The following CCDC12 variants were observed in gnomAD, a reference collection of about 807,000 sequenced individuals.
CCDC12 encodes the protein coiled-coil domain containing 12, also known as coiled-coil domain-containing protein 12.
CCDC12 carries 28 observed loss-of-function variants against 25.7 expected under a neutral mutation model. The ratio of observed to expected loss-of-function variants is 1.09; its 90% CI spans 0.81 to 1.50. The LOEUF is 1.50. Ranked by LOEUF, CCDC12 falls within the 40% of genes most tolerant of loss-of-function variation. The pLI is 0.00. For missense variants in CCDC12, 198 were observed against 210.0 expected (o/e 0.94, Z 0.35); for synonymous variants, 75 against 87.7 (o/e 0.86, Z 0.81).
intron 2 of CCDC12, among the ~76,000 whole-genome samples, chr3:46,930,029 C>T (rs1487290911): frequency 1.5e-5 from 1 of 65,180 alleles, no homozygotes; most frequent in African/African-American, 5.3e-5. Flanking sequence ...AAGACCCCAT[C>T]TCAAAAAAAA....
chr3:46,940,972 A>T lies in CCDC12; in HGVS notation c.164+26T>A, dbSNP rs373982200. ...CGATGAGTGCTGGAGGAGAGAGCAG[A>T]CCCTGGAGCTGCACACGGGCATTAC... On this transcript the variant is annotated intron_variant, in intron 2 of 6. Transcript: ENST00000683445. The T allele has an allele frequency of 5.6e-6, 9 of 1,610,436 alleles. No homozygotes were observed. The African/African-American group carries it at 1.1e-4, about 19-fold the overall frequency.
chr3:46,946,683 G>A (rs776736234), intron 1 of CCDC12, among the ~76,000 whole-genome samples: 18 of 152,220 alleles, frequency 1.2e-4, no homozygotes, highest in Non-Finnish European at 2.1e-4. Context: ...TGGGAGGAAC[G>A]GGGAAGACCA....
chr3:46,930,956 G>T (rs1374679639), intron 2 of CCDC12, among the ~76,000 whole-genome samples: 1 of 152,232 alleles, frequency 6.6e-6, no homozygotes. Flanking sequence ...GGCAGCTCCA[G>T]GAGGGGCTCA....
chr3:46,960,106 G>C (rs573466128), intron 1 of CCDC12, among the ~76,000 whole-genome samples: 1 of 152,078 alleles, frequency 6.6e-6, no homozygotes, highest in Non-Finnish European at 1.5e-5. Flanking sequence ...CCCCTCCTCC[G>C]TGGATGGCAG....
intron 1 of CCDC12, among the ~76,000 whole-genome samples, chr3:46,964,176 C>G (rs1038640537): frequency 3.3e-5 from 5 of 151,502 alleles, no homozygotes; most frequent in African/African-American, 9.7e-5. Context: ...GCCCCTCCGC[C>G]TGGCAGCCGC....
intron 1 of CCDC12, among the ~76,000 whole-genome samples, chr3:46,958,330 C>T (rs2034361560): frequency 6.6e-6 from 1 of 152,180 alleles, no homozygotes; most frequent in African/African-American, 2.4e-5. Flanking sequence ...CTTCAGGACT[C>T]AGATCTTAGT....
rs530981045 is a variant in CCDC12, at chr3:46,976,311, C to T, written c.96+326G>A. ...GAGGAACGGAACAAATCACGCCTAA[C>T]CCAACAAGCATCTGAACCTACAGGC... On this transcript the variant is annotated intron_variant, in intron 1 of 6. Coordinates refer to ENST00000683445, the MANE Select transcript of CCDC12 (RefSeq NM_001277074.2). The T allele has an allele frequency of 5.7e-5, 70 of 1,234,092 alleles. No homozygotes were observed. The African/African-American group carries it at 1.0e-3, about 18-fold the overall frequency. 76.4% of individuals were successfully genotyped at this position (1,234,092 alleles called of 1,614,324 possible). A position where few individuals can be genotyped will look rare whatever the true frequency, so the allele number is the denominator to read the frequency against.
At position 46,949,982 on chromosome 3, in the gene CCDC12, C is replaced by T. The variant is rs114562577; in HGVS notation, c.97-8917G>A. ...TAGTGGTTGCAGTGAGCCAAGATTG[C>T]GCTACCACACTCCAGCCTGGGTGAC... On this transcript the variant is annotated intron_variant, in intron 1 of 6. Coordinates refer to ENST00000683445, the MANE Select transcript of CCDC12 (RefSeq NM_001277074.2). Among the ~76,000 whole-genome samples the T allele has an allele frequency of 6.8e-3, 1,013 of 148,738 alleles. 3 individuals are homozygous for T. The highest frequency in any genetic ancestry group is 0.012 in the Non-Finnish European group (778 of 67,504).
chr3:46,948,446 G>A (rs570139318), intron 1 of CCDC12, among the ~76,000 whole-genome samples: 1 of 152,368 alleles, frequency 6.6e-6, no homozygotes, highest in East Asian at 1.9e-4. Context: ...CCTCAACGCT[G>A]TGGGGAGACA....
intron 1 of CCDC12, among the ~76,000 whole-genome samples, chr3:46,974,933 C>A (rs928731589): frequency 1.3e-5 from 2 of 152,160 alleles, no homozygotes; most frequent in African/African-American, 4.8e-5. Context: ...CCACTGGAGA[C>A]ATGAAGAAAC....
intron 1 of CCDC12, among the ~76,000 whole-genome samples, chr3:46,962,133 G>C (rs1023253612): frequency 2.6e-5 from 4 of 152,006 alleles, no homozygotes; most frequent in Non-Finnish European, 5.9e-5. Context: ...ACTACTATTC[G>C]CCAAAGAATT....
In CCDC12 at chr3:46,923,282, A is replaced by G. The variant is rs754107517; in HGVS notation, c.341+47T>C. The G allele has an allele frequency of 4.1e-6, 6 of 1,453,752 alleles. No homozygotes were observed. In the South Asian group the frequency reaches 4.6e-5, roughly 11 times the overall value. The allele number at this position is 1,453,752 out of a possible 1,614,324, so 90.1% of individuals were successfully genotyped here. ...AAGCCCCAGGCCCATGCTGGCACCAAGAGTCCCCGAGTCAGCCTGCACCCG... is the reference window on the plus strand; with the variant it reads ...AAGCCCCAGGCCCATGCTGGCACCAGGAGTCCCCGAGTCAGCCTGCACCCG... On this transcript the variant is annotated intron_variant, in intron 5 of 6. Transcript: ENST00000683445.
chr3:46,923,879 G>A, intron 3 of CCDC12: 2 of 410,730 alleles, frequency 4.9e-6, no homozygotes, highest in African/African-American at 2.0e-5. Flanking sequence ...TTCCCCACAG[G>A]CCAAGAATGG....
intron 1 of CCDC12, among the ~76,000 whole-genome samples, chr3:46,952,641 C>T (rs1348740776): frequency 6.6e-6 from 1 of 152,132 alleles, no homozygotes; most frequent in South Asian, 2.1e-4. Flanking sequence ...TGGGCAGTGC[C>T]GAACCCAAAT....
intron 2 of CCDC12, among the ~76,000 whole-genome samples, chr3:46,928,363 G>A (rs906180019): frequency 2.0e-5 from 3 of 152,318 alleles, no homozygotes; most frequent in South Asian, 2.1e-4. Flanking sequence ...CTGACATCAC[G>A]TCCCTCTTTC....
intron 1 of CCDC12, chr3:46,976,355 G>T (rs931126020): frequency 2.2e-6 from 3 of 1,350,356 alleles, no homozygotes; most frequent in East Asian, 3.0e-5. Flanking sequence ...ATACCTACAC[G>T]AGCAACACCC....
intron 1 of CCDC12, among the ~76,000 whole-genome samples, chr3:46,945,818 A>G (rs1332384483): frequency 6.6e-6 from 1 of 152,182 alleles, no homozygotes; most frequent in Non-Finnish European, 1.5e-5. Context: ...TAATAGCCTA[A>G]TGTCTGTAAG....
chr3:46,940,393 CAAAAT>C (rs2033653612), intron 2 of CCDC12, among the ~76,000 whole-genome samples: 1 of 152,094 alleles, frequency 6.6e-6, no homozygotes, highest in Non-Finnish European at 1.5e-5. Flanking sequence ...GAGTATTCGA[CAAAAT>C]AAGATAAATA....
chr3:46,961,954 C>T (rs2034477402), intron 1 of CCDC12, among the ~76,000 whole-genome samples: 1 of 152,082 alleles, frequency 6.6e-6, no homozygotes, highest in East Asian at 1.9e-4. Flanking sequence ...GCACACCACA[C>T]AAAAGTAAAT....
Sources: allele counts gnomAD v4.1 joint callset (sites outside exome capture counted in the v4.1 genomes callset), GRCh38; gene constraint gnomAD v4.1.1; transcripts MANE v1.5; gene names NCBI Gene and HGNC (gene_info 2026-07-23, HGNC 2026-07-21).